DNAH14: variants seen among roughly 807,000 people sequenced by gnomAD.
The protein encoded by DNAH14 is dynein axonemal heavy chain 14.
DNAH14 carries 478 observed loss-of-function variants against 520.9 expected under a neutral mutation model. The ratio of observed to expected loss-of-function variants is 0.92; its 90% CI spans 0.85 to 0.99. The LOEUF (loss-of-function observed/expected upper bound fraction) is 0.99. DNAH14 is among the 50% of genes least tolerant of loss of function. The pLI is 0.00. For missense variants in DNAH14, 4,831 were observed against 5,234.5 expected (o/e 0.92, Z 2.38); for synonymous variants, 1,581 against 1,757.2 (o/e 0.90, Z 2.51).
intron 43 of DNAH14, among the ~76,000 whole-genome samples, chr1:225,250,103 T>G (rs2092476553): frequency 6.6e-6 from 1 of 152,250 alleles, no homozygotes; most frequent in Admixed American, 6.5e-5. Context: ...AGGCAAGAAT[T>G]GCTGGGTCAT....
At chr1:224,950,356 A>G (rs2060092228) in intron 1 of DNAH14, among the ~76,000 whole-genome samples, 1 of 151,952 alleles carries the variant, frequency 6.6e-6, no homozygotes, top group Non-Finnish European at 1.5e-5. Context: ...TGAATTTTGC[A>G]TGTTTTGAAA....
intron 36 of DNAH14, among the ~76,000 whole-genome samples, chr1:225,181,858 T>G (rs899960019): frequency 2.0e-5 from 3 of 152,132 alleles, no homozygotes; most frequent in Non-Finnish European, 4.4e-5. Context: ...TATTCTGTCC[T>G]GTCATTCAGA....
intron 35 of DNAH14, among the ~76,000 whole-genome samples, chr1:225,163,504 G>T (rs1290400807): frequency 6.6e-6 from 1 of 152,072 alleles, no homozygotes; most frequent in Admixed American, 6.6e-5. Flanking sequence ...CTGTCATGTG[G>T]TTTTATTGTG....
At chr1:225,146,844 GC>G (rs2079993561) in intron 30 of DNAH14, among the ~76,000 whole-genome samples, 2 of 152,114 alleles carry the variant, frequency 1.3e-5, no homozygotes, top group Non-Finnish European at 2.9e-5. Context: ...AGAAGCTGTG[GC>G]CCTGTCTTCA....
At chr1:225,201,645 A>G (rs920167939) in intron 38 of DNAH14, among the ~76,000 whole-genome samples, 1 of 152,054 alleles carries the variant, frequency 6.6e-6, no homozygotes, top group African/African-American at 2.4e-5. Flanking sequence ...TTCTGAGTCT[A>G]GCCAGCCAGG....
At chr1:225,263,004 G>GA (rs11314557) in intron 46 of DNAH14, among the ~76,000 whole-genome samples, 12 of 145,642 alleles carry the variant, frequency 8.2e-5, no homozygotes, top group Non-Finnish European at 1.1e-4. Flanking sequence ...TCTTCCTGAA[G>GA]AAAAAAAAAA....
intron 41 of DNAH14, among the ~76,000 whole-genome samples, chr1:225,212,676 A>G (rs2088618110): frequency 6.6e-6 from 1 of 151,998 alleles, no homozygotes. Flanking sequence ...GCATTTTTTC[A>G]TGTGTTTTTT....
intron 27 of DNAH14, among the ~76,000 whole-genome samples, chr1:225,134,840 A>C (rs2078813350): frequency 6.6e-6 from 1 of 152,074 alleles, no homozygotes; most frequent in Non-Finnish European, 1.5e-5. Context: ...TCAGATGTGA[A>C]TCCATCTGGT....
rs2095287413 is a variant in DNAH14, at chr1:225,346,436, A to G, written c.11098-20A>G. On this transcript the variant is annotated intron_variant, in intron 70 of 85. Transcript: ENST00000682510. ...GCTTATTTAATCTCACTGGATTAAT[A>G]TGTTATATTTTCCCTATAGGTGGTT... 6.5e-7 allele frequency: 1 copy of G among 1,536,616 alleles called. No homozygotes were observed. The highest frequency in any genetic ancestry group is 2.2e-5 in the Admixed American group (1 of 45,984).
At chr1:225,358,397 A>G in intron 73 of DNAH14, 99 bp from the exon 74 acceptor site, 1 of 1,130,484 alleles carries the variant, frequency 8.8e-7, no homozygotes, top group Non-Finnish European at 1.2e-6. Flanking sequence ...CTGAAAAGCT[A>G]AAAAATGAAT....
intron 23 of DNAH14, among the ~76,000 whole-genome samples, chr1:225,105,150 A>G (rs2075913445): frequency 6.6e-6 from 1 of 152,218 alleles, no homozygotes; most frequent in South Asian, 2.1e-4. Context: ...TGTATCCAGT[A>G]GTCATTCAGG....
intron 54 of DNAH14, among the ~76,000 whole-genome samples, chr1:225,278,615 C>T (rs142409174): frequency 4.5e-4 from 68 of 152,172 alleles, no homozygotes; most frequent in African/African-American, 1.5e-3. Context: ...CATCTGTCTC[C>T]ACATTTAGAA....
At chr1:225,377,098 G>A in intron 78 of DNAH14, 139 bp from the exon 79 acceptor site, 1 of 674,458 alleles carries the variant, frequency 1.5e-6, no homozygotes, top group Non-Finnish European at 2.3e-6. Flanking sequence ...AAATAAGAAA[G>A]CCTTCGGTAT....
At chr1:225,192,492 C>A (rs929629573) in intron 37 of DNAH14, among the ~76,000 whole-genome samples, 12 of 151,952 alleles carry the variant, frequency 7.9e-5, no homozygotes, top group Non-Finnish European at 1.3e-4. Context: ...TGTAGTATTA[C>A]AATTTTTTAA....
At chr1:225,365,307 A>T (rs182864285) in intron 76 of DNAH14, among the ~76,000 whole-genome samples, 1 of 152,282 alleles carries the variant, frequency 6.6e-6, no homozygotes, top group African/African-American at 2.4e-5. Context: ...ATTATCTGGG[A>T]CTTCTCATAT....
At chr1:225,384,896 G>A (rs1014673116) in intron 81 of DNAH14, among the ~76,000 whole-genome samples, 8 of 152,136 alleles carry the variant, frequency 5.3e-5, no homozygotes. Context: ...ACATCATCCT[G>A]ATACCAAAGC....
chr1:225,208,071 T>C (rs1216060615), intron 41 of DNAH14, among the ~76,000 whole-genome samples: 1 of 152,100 alleles, frequency 6.6e-6, no homozygotes, highest in Non-Finnish European at 1.5e-5. Flanking sequence ...CCACCCCCCT[T>C]CAAATCTTAA....
intron 79 of DNAH14, among the ~76,000 whole-genome samples, chr1:225,377,736 T>C (rs2095719934): frequency 6.6e-6 from 1 of 152,204 alleles, no homozygotes; most frequent in Admixed American, 6.5e-5. Context: ...AGAAACTAAA[T>C]TCTACTTCAA....
chr1:225,364,767 T>C, intron 75 of DNAH14, 25 bp from the exon 76 acceptor site: 1 of 1,459,334 alleles, frequency 6.9e-7, no homozygotes, highest in Non-Finnish European at 9.2e-7. Flanking sequence ...CACATTAAAA[T>C]ATTTATAAAT....
Sources: gnomAD v4.1 joint callset for allele counts (sites outside exome capture counted in the v4.1 genomes callset) on GRCh38, gnomAD v4.1.1 for gene constraint, MANE v1.5 for transcripts, NCBI Gene and HGNC (gene_info 2026-07-23, HGNC 2026-07-21) for gene names.